Variants in FBXW5 observed in about 807,000 individuals in gnomAD.
FBXW5 encodes F-box and WD repeat domain containing 5, also known as F-box/WD repeat-containing protein 5.
A neutral mutation model predicts 50.9 loss-of-function variants in FBXW5; 74 were observed. The ratio of observed to expected loss-of-function variants is 1.45; its 90% CI spans 1.20 to 1.76. The LOEUF (loss-of-function observed/expected upper bound fraction) is 1.76, where lower values mean the gene tolerates loss of function less well. Ranked by LOEUF, FBXW5 falls within the 40% of genes most tolerant of loss-of-function variation. The probability of loss-of-function intolerance (pLI) is 0.00; values close to 1 mark genes in which losing one functional copy is unlikely to be tolerated. For missense variants in FBXW5, 1,073 were observed against 818.8 expected (o/e 1.31, Z -3.79); for synonymous variants, 523 against 362.2 (o/e 1.44, Z -5.04).
chr9:136,943,370 G>A lies in FBXW5; in HGVS notation c.330C>T (p.Cys110=). 6.2e-7 allele frequency: 1 copy of A among 1,612,826 alleles called. No homozygotes were observed. The highest frequency in any genetic ancestry group is 8.5e-7 in the Non-Finnish European group (1 of 1,179,922). The part of the protein sequence containing the change: ...FSHSGYQFAS[C]SKDCTVKIWS... ...TCACCTTCACAGTGCAGTCCTTGGA[G>A]CAGGACGCGAACTGGTACCCGGAAT... Residue 110 remains cysteine (C), a synonymous_variant, in exon 3 of 9, where the codon TGC becomes TGT. Coordinates refer to ENST00000325285, the MANE Select transcript of FBXW5 (RefSeq NM_018998.4).
intron 3 of FBXW5, 105 bp downstream of exon 3, chr9:136,943,244 A>ACCCCCCCCCCCCCCCCCCCCCCCC: frequency 1.4e-6 from 1 of 727,616 alleles, no homozygotes; most frequent in Non-Finnish European, 2.1e-6. Context: ...CTCTGGCCTG[A>ACCCCCCCCCCCCCCCCCCCCCCCC]CCCACCCCCC....
rs769804182 is a variant in FBXW5 at position 136,941,579 on chromosome 9, A to G, written c.1202T>C (p.Ile401Thr). The change falls in exon 7 of 9, where the codon ATA becomes ACA. Residue 401 changes from isoleucine (I) to threonine (T), a missense_variant. By Grantham distance (89) the Ile-to-Thr change is moderately conservative. Transcript: ENST00000325285. ...FFDALDHVID[I>T]HGHIIGMGLS... Reference sequence around the variant, plus strand: ...GCCCATGCCGATGATGTGTCCGTGTATGTCTATGACGTGGTCCAGCGCGTC... The same window carrying G: ...GCCCATGCCGATGATGTGTCCGTGTGTGTCTATGACGTGGTCCAGCGCGTC... 1.9e-6 allele frequency: 3 copies of G among 1,609,756 alleles called. No individual in the cohort carries two copies. Among genetic ancestry groups the G allele is most frequent in the South Asian group, 2.2e-5 (2 of 90,832 alleles).
chr9:136,943,617 A>G (rs909582109), intron 2 of FBXW5, 111 bp from the exon 3 acceptor site: 63 of 1,409,012 alleles, frequency 4.5e-5, no homozygotes, highest in Non-Finnish European at 5.6e-5. Flanking sequence ...CCTGGAACCC[A>G]CTAGTCATGG....
intron 1 of FBXW5, 114 bp downstream of exon 1, chr9:136,944,480 G>A (rs1372305456): frequency 2.0e-6 from 2 of 982,354 alleles, no homozygotes; most frequent in African/African-American, 1.8e-5. Flanking sequence ...TCTGCCCGGC[G>A]GGCTCGGGGC....
Position 136,940,539 on chromosome 9 carries a change from C to T in FBXW5, c.*389G>A, listed in dbSNP as rs1850710299. 2.3e-5 allele frequency: 6 copies of T among 262,982 alleles called. No individual in the cohort carries two copies. The South Asian group carries it at 3.0e-4, about 13-fold the overall frequency. The allele number at this position is 262,982 out of a possible 1,614,324, so 16.3% of individuals were successfully genotyped here. On this transcript the variant is annotated 3_prime_UTR_variant, in exon 9 of 9. Coordinates refer to ENST00000325285, the MANE Select transcript of FBXW5 (RefSeq NM_018998.4). ...ACCGGCCGCTCCCAAGCCCCGGGCG[C>T]ACAACCACAGCCAGGAGCAGCCCCT... is the stretch of plus-strand genomic sequence containing the variant.
chr9:136,942,473 G>GC lies in FBXW5; in HGVS notation c.676-8dup. 1 of 1,599,524 alleles carries GC rather than the reference G, an allele frequency of 6.3e-7. No homozygotes were observed. The highest frequency in any genetic ancestry group is 8.5e-7 in the Non-Finnish European group (1 of 1,169,968). ...CGTTCTCTGACTCCACATCCTGGGG[G>GC]CGGGGGCACGTGCCAGGTGGGCGCC... On this transcript the variant is annotated splice_polypyrimidine_tract_variant and splice_region_variant and intron_variant, in intron 5 of 8. Coordinates refer to ENST00000325285, the MANE Select transcript of FBXW5 (RefSeq NM_018998.4).
At position 136,944,116 on chromosome 9, in the gene FBXW5, A is replaced by G; in HGVS notation, c.-23-10T>C. The G allele has an allele frequency of 6.5e-7, 1 of 1,548,350 alleles. No homozygotes were observed. The highest frequency in any genetic ancestry group is 8.7e-7 in the Non-Finnish European group (1 of 1,146,008). The stretch of plus-strand genomic sequence containing the variant: ...TTCTGCCCAGGCGGCCCTGAAACCC[A>G]CCAACGGCTGCCCTCAGCCCAGGCC... On this transcript the variant is annotated splice_polypyrimidine_tract_variant and intron_variant, in intron 1 of 8. Transcript: ENST00000325285.
intron 6 of FBXW5, 134 bp downstream of exon 6, chr9:136,941,912 C>T (rs987825904): frequency 3.0e-5 from 43 of 1,439,426 alleles, no homozygotes; most frequent in Non-Finnish European, 3.7e-5. Context: ...CAGGTCTGGG[C>T]TTGTGACCCC....
At chr9:136,941,888 C>T (rs1157296598) in intron 6 of FBXW5, 158 bp downstream of exon 6, 10 of 1,436,234 alleles carry the variant, frequency 7.0e-6, no homozygotes, top group Non-Finnish European at 9.1e-6. Flanking sequence ...TTTCACTGCT[C>T]ATCCCACAGG....
chr9:136,942,735 G>A, intron 4 of FBXW5, 34 bp downstream of exon 4: 2 of 1,611,708 alleles, frequency 1.2e-6, no homozygotes, highest in Non-Finnish European at 1.7e-6. Context: ...TCGGCGTGGG[G>A]CGGGGGCAGG....
chr9:136,940,493 ACT>A lies in FBXW5; in HGVS notation c.*433_*434del. On this transcript the variant is annotated 3_prime_UTR_variant, in exon 9 of 9. Transcript: ENST00000325285. Reference sequence around the variant, plus strand: ...CGGGTGGTGCGTGGACATGCAACACACTCGGGCCCACAGCAGCGTGACCGGCC... The same window carrying A: ...CGGGTGGTGCGTGGACATGCAACACACGGGCCCACAGCAGCGTGACCGGCC... The A allele has an allele frequency of 4.0e-6, 1 of 247,688 alleles. No individual in the cohort carries two copies. The highest frequency in any genetic ancestry group is 2.2e-5 in the African/African-American group (1 of 45,336). 15.3% of individuals were successfully genotyped at this position (247,688 alleles called of 1,614,324 possible). A position where few individuals can be genotyped will look rare whatever the true frequency, so the allele number is the denominator to read the frequency against.
At position 136,944,039 on chromosome 9, in the gene FBXW5, G is replaced by C; in HGVS notation, c.45C>G (p.Tyr15Ter). ...CCGGGCCCAGGCTCAGGAAGATCTG[G>C]TAGACCAGGCTGTCGGGGAGCAGGG... The part of the protein sequence containing the change: ...GTPLLPDSLV[Y>*]QIFLSLGPAD... The change falls in exon 2 of 9, where the codon TAC (tyrosine) becomes TAG (stop). Residue 15 changes from tyrosine to a stop codon, truncating the protein, a stop_gained. Coordinates refer to ENST00000325285, the MANE Select transcript of FBXW5 (RefSeq NM_018998.4). LOFTEE classifies it high-confidence loss of function. 3.1e-6 allele frequency: 5 copies of C among 1,604,786 alleles called. No individual in the cohort carries two copies. Among genetic ancestry groups the C allele is most frequent in the Non-Finnish European group, 4.3e-6 (5 of 1,176,466 alleles).
intron 1 of FBXW5, 145 bp downstream of exon 1, chr9:136,944,449 G>A: frequency 2.0e-5 from 19 of 953,044 alleles, no homozygotes; most frequent in Non-Finnish European, 2.4e-5. Context: ...AGTGGCCTCC[G>A]CCCTGCGGCC....
In FBXW5 at chr9:136,941,616, C is replaced by T. The variant is rs983226984; in HGVS notation, c.1165G>A (p.Asp389Asn). 15 of 1,587,172 alleles carry T rather than the reference C, an allele frequency of 9.5e-6. No individual in the cohort carries two copies. Among genetic ancestry groups the T allele is most frequent in the East Asian group, 4.6e-5 (2 of 43,038 alleles). The part of the protein sequence containing the change: ...GPVLGEGRGS[D>N]AFFDALDHVI... ...TGGTCCAGCGCGTCGAAGAAGGCAT[C>T]GGAGCCCCGGCCCTCACCCAGCACG... Residue 389 changes from aspartate to asparagine, a missense_variant, in exon 7 of 9, where the codon GAT becomes AAT. Coordinates refer to ENST00000325285, the MANE Select transcript of FBXW5 (RefSeq NM_018998.4).
At position 136,942,247 on chromosome 9, in the gene FBXW5, T is replaced by G; in HGVS notation, c.895A>C (p.Lys299Gln). The G allele has an allele frequency of 6.3e-7, 1 of 1,584,496 alleles. No homozygotes were observed. The highest frequency in any genetic ancestry group is 1.1e-5 in the South Asian group (1 of 87,804). ...VVAGPAPAHA[K>Q]EGLRHFLDRV... ...TCCAGAAAGTGCCGCAAGCCCTCCT[T>G]GGCGTGGGCGGGGGCCGGGCCAGCC... The change falls in exon 6 of 9, where the codon AAG becomes CAG. Residue 299 changes from lysine to glutamine, a missense_variant. By Grantham distance (53) the Lys-to-Gln change is moderately conservative. Coordinates refer to ENST00000325285, the MANE Select transcript of FBXW5 (RefSeq NM_018998.4).
At position 136,941,297 on chromosome 9, in the gene FBXW5, C is replaced by T. The variant is rs760331772; in HGVS notation, c.1411G>A (p.Glu471Lys). Residue 471 changes from glutamate to lysine, a missense_variant, in exon 8 of 9, where the codon GAG (glutamate) becomes AAG (lysine). Coordinates refer to ENST00000325285, the MANE Select transcript of FBXW5 (RefSeq NM_018998.4). ...ACGTCCAGGAAGATGAAGAAGCACT[C>T]GTCGTTGGGCGTGTAGGCGCGGTGC... ...RAHRAYTPND[E>K]CFFIFLDVSR... 4.8e-5 allele frequency: 77 copies of T among 1,608,734 alleles called. 1 individual carries two copies. In the South Asian group the frequency reaches 6.9e-4, roughly 14 times the overall value.
In FBXW5 at chr9:136,942,134, G is replaced by A; in HGVS notation, c.1008C>T (p.Thr336=). Residue 336 remains threonine (T), a synonymous_variant, in exon 6 of 9, where the codon ACC becomes ACT. Coordinates refer to ENST00000325285, the MANE Select transcript of FBXW5 (RefSeq NM_018998.4). ...KVAELLAQGH[T]KPPERSATGA... is the part of the protein sequence containing the mutation. ...CTGTGGCACTGCGCTCGGGTGGCTT[G>A]GTGTGGCCCTGGGCCAGCAGCTCGG... The A allele has an allele frequency of 6.2e-7, 1 of 1,611,330 alleles. No individual in the cohort carries two copies. Among genetic ancestry groups the A allele is most frequent in the Non-Finnish European group, 8.5e-7 (1 of 1,178,922 alleles).
Position 136,943,136 on chromosome 9 carries a change from G to A in FBXW5, c.352-193C>T, listed in dbSNP as rs559856592. 135 of 1,027,336 alleles carry A rather than the reference G, an allele frequency of 1.3e-4. No individual in the cohort carries two copies. In the African/African-American group the frequency reaches 1.7e-3, roughly 13 times the overall value. 63.6% of individuals were successfully genotyped at this position (1,027,336 alleles called of 1,614,324 possible). A position where few individuals can be genotyped will look rare whatever the true frequency, so the allele number is the denominator to read the frequency against. ...GGAGGAGCCTGCCCCTGAAGCAGGC[G>A]GCTGTGTGTGGGACCCTCTCCTCAG... On this transcript the variant is annotated intron_variant, in intron 3 of 8. Transcript: ENST00000325285.
rs540266891 is a variant in FBXW5, at chr9:136,943,135, C to T, written c.352-192G>A. 19 of 1,049,468 alleles carry T rather than the reference C, an allele frequency of 1.8e-5. 1 individual carries two copies. The highest frequency in any genetic ancestry group is 1.8e-4 in the East Asian group (7 of 38,884). 65.0% of individuals were successfully genotyped at this position (1,049,468 alleles called of 1,614,324 possible). A position where few individuals can be genotyped will look rare whatever the true frequency, so the allele number is the denominator to read the frequency against. Reference sequence around the variant, plus strand: ...CGGAGGAGCCTGCCCCTGAAGCAGGCGGCTGTGTGTGGGACCCTCTCCTCA... The same window carrying T: ...CGGAGGAGCCTGCCCCTGAAGCAGGTGGCTGTGTGTGGGACCCTCTCCTCA... On this transcript the variant is annotated intron_variant, in intron 3 of 8. Coordinates refer to ENST00000325285, the MANE Select transcript of FBXW5 (RefSeq NM_018998.4).
Sources: gnomAD v4.1 joint callset for allele counts on GRCh38, gnomAD v4.1.1 for gene constraint, MANE v1.5 for transcripts, NCBI Gene and HGNC (gene_info 2026-07-23, HGNC 2026-07-21) for gene names.